The following EMCN variants were observed in gnomAD, a reference collection of about 807,000 sequenced individuals.
The protein encoded by EMCN is endomucin.
In EMCN, 37 loss-of-function variants were observed where a neutral mutation model predicts 38.4. The observed-to-expected ratio is 0.96, with a 90% CI of 0.74 to 1.27. EMCN has a LOEUF of 1.27. Among genes scored for constraint, EMCN ranks in the 50% most tolerant of loss-of-function variants. The pLI is 0.00. For missense variants in EMCN, 318 were observed against 302.8 expected (o/e 1.05, Z -0.37); for synonymous variants, 95 against 100.8 (o/e 0.94, Z 0.35).
chr4:100,460,464 C>T (rs1728148300), intron 4 of EMCN, among the ~76,000 whole-genome samples: 1 of 152,118 alleles, frequency 6.6e-6, no homozygotes, highest in Admixed American at 6.6e-5. Flanking sequence ...CACAATTCCA[C>T]ATGGCAGGGG....
chr4:100,408,896 C>G (rs139700170), intron 11 of EMCN, among the ~76,000 whole-genome samples: 294 of 152,314 alleles, frequency 1.9e-3, no homozygotes, highest in Middle Eastern at 3.4e-3. Context: ...AGTCTTGCCT[C>G]TTTTCCATAG....
chr4:100,459,407 GT>G (rs1011184941), intron 4 of EMCN, among the ~76,000 whole-genome samples: 1 of 151,900 alleles, frequency 6.6e-6, no homozygotes, highest in Non-Finnish European at 1.5e-5. Flanking sequence ...ATACTTATTA[GT>G]TTTTTTGTGG....
At chr4:100,468,438 T>A (rs1728383244) in intron 3 of EMCN, among the ~76,000 whole-genome samples, 1 of 152,194 alleles carries the variant, frequency 6.6e-6, no homozygotes, top group Non-Finnish European at 1.5e-5. Context: ...GGATTTTAAT[T>A]TTATAGGGAG....
intron 4 of EMCN, among the ~76,000 whole-genome samples, chr4:100,464,129 A>T (rs1431543192): frequency 6.6e-6 from 1 of 151,728 alleles, no homozygotes; most frequent in Non-Finnish European, 1.5e-5. Context: ...TCTATTGTTA[A>T]ATTTATTTCT....
At chr4:100,516,983 C>A (rs890372920) in intron 1 of EMCN, among the ~76,000 whole-genome samples, 2 of 152,018 alleles carry the variant, frequency 1.3e-5, no homozygotes, top group Non-Finnish European at 2.9e-5. Flanking sequence ...ATGCTTATTT[C>A]TCCCAGTAGT....
intron 5 of EMCN, among the ~76,000 whole-genome samples, chr4:100,436,708 G>A (rs1578193543): frequency 6.6e-6 from 1 of 152,140 alleles, no homozygotes; most frequent in African/African-American, 2.4e-5. Context: ...CATGTCCTTT[G>A]TCTGGACATG....
At chr4:100,472,214 T>C (rs907998587) in intron 3 of EMCN, among the ~76,000 whole-genome samples, 1 of 151,946 alleles carries the variant, frequency 6.6e-6, no homozygotes, top group Non-Finnish European at 1.5e-5. Flanking sequence ...GGAATACACA[T>C]TCACATATAC....
At chr4:100,463,076 TG>T (rs1156859165) in intron 4 of EMCN, among the ~76,000 whole-genome samples, 3 of 152,174 alleles carry the variant, frequency 2.0e-5, no homozygotes, top group Non-Finnish European at 4.4e-5. Context: ...TCCAGTCAAG[TG>T]TGTTTACTAT....
At chr4:100,431,823 C>T (rs1457987776) in intron 5 of EMCN, among the ~76,000 whole-genome samples, 9 of 152,090 alleles carry the variant, frequency 5.9e-5, no homozygotes, top group East Asian at 1.9e-4. Context: ...CTCTGTCTCT[C>T]GCTCTCGCTG....
intron 5 of EMCN, among the ~76,000 whole-genome samples, chr4:100,443,231 C>T (rs865788388): frequency 5.9e-5 from 9 of 152,178 alleles, no homozygotes; most frequent in Middle Eastern, 3.2e-3. Flanking sequence ...CTATGATTTC[C>T]GTGTGGTACC....
chr4:100,450,933 G>A (rs1354903132), intron 4 of EMCN, among the ~76,000 whole-genome samples: 4 of 151,786 alleles, frequency 2.6e-5, no homozygotes, highest in African/African-American at 9.7e-5. Flanking sequence ...CATTTAATGG[G>A]AAAATTGTTT....
At chr4:100,468,567 G>T (rs1728387779) in intron 3 of EMCN, among the ~76,000 whole-genome samples, 1 of 152,090 alleles carries the variant, frequency 6.6e-6, no homozygotes, top group Admixed American at 6.5e-5. Context: ...TAAAAGGTAA[G>T]AGACTTTTGA....
intron 6 of EMCN, 57 bp from the exon 7 acceptor site, chr4:100,423,137 C>G: frequency 3.3e-6 from 5 of 1,515,604 alleles, no homozygotes; most frequent in Non-Finnish European, 4.6e-6. Context: ...TTCTTGCAGT[C>G]CTCCCTCCAC....
chr4:100,485,339 A>T, intron 1 of EMCN, among the ~76,000 whole-genome samples: 1 of 152,034 alleles, frequency 6.6e-6, no homozygotes, highest in Admixed American at 6.6e-5. Context: ...CCAGTTTTTC[A>T]GTTATGATTT....
rs1417407159 is a variant in EMCN, at chr4:100,471,746, A to AT, written c.259+3291dup. 1.3e-4 allele frequency among the ~76,000 whole-genome samples: 20 copies of AT among 152,112 alleles called. No homozygotes were observed. The East Asian group carries it at 3.7e-3, about 28-fold the overall frequency. ...GAATTATACCCCATGACCAAGTTGG[A>AT]TTTAGCCTAGGAATTCAAGGTTGAC... On this transcript the variant is annotated intron_variant, in intron 3 of 11. Transcript: ENST00000296420.
chr4:100,481,290 A>G (rs535726506), intron 1 of EMCN, among the ~76,000 whole-genome samples: 1 of 152,274 alleles, frequency 6.6e-6, no homozygotes, highest in East Asian at 1.9e-4. Context: ...AGAAAAACCA[A>G]TAATCTAGCA....
intron 1 of EMCN, among the ~76,000 whole-genome samples, chr4:100,505,337 G>C (rs1225037704): frequency 6.6e-6 from 1 of 152,114 alleles, no homozygotes; most frequent in Non-Finnish European, 1.5e-5. Context: ...GACCCTGTGG[G>C]GCTGGACCCT....
At chr4:100,401,520 G>A (rs1380729041) in intron 11 of EMCN, among the ~76,000 whole-genome samples, 1 of 152,056 alleles carries the variant, frequency 6.6e-6, no homozygotes, top group Non-Finnish European at 1.5e-5. Flanking sequence ...AATACAGAGA[G>A]GCAATTGTAA....
chr4:100,421,437 T>C (rs1726885532), intron 7 of EMCN, 60 bp from the exon 8 acceptor site: 14 of 1,356,492 alleles, frequency 1.0e-5, no homozygotes, highest in Non-Finnish European at 1.4e-5. Context: ...AGCGATAGTT[T>C]GGTAAGTGAG....
Sources: gnomAD v4.1 joint callset for allele counts (sites outside exome capture counted in the v4.1 genomes callset) on GRCh38, gnomAD v4.1.1 for gene constraint, MANE v1.5 for transcripts, NCBI Gene and HGNC (gene_info 2026-07-23, HGNC 2026-07-21) for gene names.